Variants in LSAMP observed in about 807,000 individuals in gnomAD.
LSAMP encodes the protein limbic system-associated membrane protein.
In LSAMP, 7 loss-of-function variants were observed where a neutral mutation model predicts 38.6. That is an observed-to-expected ratio of 0.18 (90% confidence interval 0.10 to 0.34). The LOEUF is 0.34. LSAMP is among the 10% of genes least tolerant of loss of function. The pLI is 1.00. For missense variants in LSAMP, 313 were observed against 420.0 expected, an observed-to-expected ratio of 0.75 and a Z score of 2.23; for synonymous variants, 154 against 166.8, an observed-to-expected ratio of 0.92 and a Z score of 0.59.
At chr3:116,359,237 A>C (rs1398494610) in intron 1 of LSAMP, among the ~76,000 whole-genome samples, 1 of 152,256 alleles carries the variant, frequency 6.6e-6, no homozygotes, top group Non-Finnish European at 1.5e-5. Flanking sequence ...CCATCAATCA[A>C]TAAGGAAATA....
chr3:115,819,020 C>T (rs968247417), intron 6 of LSAMP, among the ~76,000 whole-genome samples: 4 of 150,668 alleles, frequency 2.7e-5, no homozygotes, highest in Non-Finnish European at 5.9e-5. Flanking sequence ...CGTGGTGGCA[C>T]GTGCCTGTAA....
intron 3 of LSAMP, among the ~76,000 whole-genome samples, chr3:115,862,862 A>C (rs560805939): frequency 7.2e-5 from 11 of 152,308 alleles, no homozygotes; most frequent in Admixed American, 3.3e-4. Flanking sequence ...GATGGATCAC[A>C]GTGGGAGTGG....
At chr3:116,074,641 C>T (rs1357657458) in intron 2 of LSAMP, among the ~76,000 whole-genome samples, 1 of 152,112 alleles carries the variant, frequency 6.6e-6, no homozygotes, top group African/African-American at 2.4e-5. Flanking sequence ...TTCCTACTAA[C>T]TTGTCAACTC....
chr3:116,309,100 G>A (rs2047522944), intron 1 of LSAMP, among the ~76,000 whole-genome samples: 1 of 151,890 alleles, frequency 6.6e-6, no homozygotes, highest in Non-Finnish European at 1.5e-5. Flanking sequence ...CAATAAAATG[G>A]GAATGTGATT....
chr3:116,146,914 C>T (rs1471674374), intron 1 of LSAMP, among the ~76,000 whole-genome samples: 5 of 151,830 alleles, frequency 3.3e-5, no homozygotes, highest in African/African-American at 1.2e-4. Flanking sequence ...TCGAACACTA[C>T]TTATCAGAAA....
chr3:116,412,725 C>A (rs781735292), intron 1 of LSAMP, among the ~76,000 whole-genome samples: 2 of 151,948 alleles, frequency 1.3e-5, no homozygotes, highest in African/African-American at 2.4e-5. Context: ...TATTTAACAT[C>A]GTTATGGTTT....
intron 1 of LSAMP, among the ~76,000 whole-genome samples, chr3:116,320,530 T>C (rs1488045220): frequency 6.6e-6 from 1 of 152,144 alleles, no homozygotes; most frequent in Non-Finnish European, 1.5e-5. Flanking sequence ...AGTATTGGAT[T>C]CTCCTAGGGT....
chr3:116,348,283 G>A (rs1356396497), intron 1 of LSAMP, among the ~76,000 whole-genome samples: 1 of 152,016 alleles, frequency 6.6e-6, no homozygotes, highest in Non-Finnish European at 1.5e-5. Context: ...TTTGATCCAG[G>A]TCAGAATAAA....
At chr3:116,199,683 A>T (rs1285926059) in intron 1 of LSAMP, among the ~76,000 whole-genome samples, 2 of 152,196 alleles carry the variant, frequency 1.3e-5, no homozygotes, top group Non-Finnish European at 2.9e-5. Flanking sequence ...ACAGTATGAA[A>T]TGTTAGAGAG....
chr3:115,946,653 T>G (rs1938107610), intron 3 of LSAMP, among the ~76,000 whole-genome samples: 1 of 152,156 alleles, frequency 6.6e-6, no homozygotes, highest in Admixed American at 6.6e-5. Flanking sequence ...AAAATCTTTC[T>G]ACAAAGTAAA....
chr3:115,814,215 G>GAGCAA (rs1317430870), intron 6 of LSAMP: 1 of 152,102 alleles, frequency 6.6e-6, no homozygotes, highest in Non-Finnish European at 1.5e-5. Flanking sequence ...TTGACTCAAG[G>GAGCAA]AGCAAAATTC....
At chr3:116,274,954 CAAAAA>C (rs10662824) in intron 1 of LSAMP, among the ~76,000 whole-genome samples, 1 of 136,292 alleles carries the variant, frequency 7.3e-6, no homozygotes, top group East Asian at 2.1e-4. Flanking sequence ...TAAAAATAGC[CAAAAA>C]AAAAAAAAAA....
At chr3:115,849,495 A>G (rs1171201989) in intron 4 of LSAMP, among the ~76,000 whole-genome samples, 2 of 151,164 alleles carry the variant, frequency 1.3e-5, no homozygotes, top group Admixed American at 6.6e-5. Flanking sequence ...TTTTTCTTGT[A>G]GTGGTACTCA....
chr3:115,834,422 A>T, intron 6 of LSAMP: 3 of 641,358 alleles, frequency 4.7e-6, no homozygotes, highest in Non-Finnish European at 7.4e-6. Context: ...TGGCTTTTTA[A>T]AAAAGGTTTA....
chr3:116,444,740 AC>A, intron 1 of LSAMP, 136 bp downstream of exon 1: 1 of 1,125,560 alleles, frequency 8.9e-7, no homozygotes, highest in Non-Finnish European at 1.3e-6. Context: ...CCACACACAC[AC>A]ACACCACAAG....
intron 1 of LSAMP, among the ~76,000 whole-genome samples, chr3:116,423,629 A>G (rs2049158287): frequency 6.6e-6 from 1 of 152,176 alleles, no homozygotes; most frequent in Non-Finnish European, 1.5e-5. Context: ...AAATAAATAC[A>G]CTGGGAATAC....
At chr3:116,444,812 AC>A in intron 1 of LSAMP, 64 bp downstream of exon 1, 2 of 443,506 alleles carry the variant, frequency 4.5e-6, no homozygotes, top group Admixed American at 5.4e-5. Context: ...ACACACACAA[AC>A]ACACACACAC....
chr3:116,317,346 C>CTCTT (rs752820425), intron 1 of LSAMP, among the ~76,000 whole-genome samples: 17 of 151,406 alleles, frequency 1.1e-4, no homozygotes, highest in Middle Eastern at 6.8e-3. Flanking sequence ...AGAGCCCAAT[C>CTCTT]TCTTTCTTTC....
intron 3 of LSAMP, among the ~76,000 whole-genome samples, chr3:116,007,797 G>GT (rs1344490880): frequency 6.6e-6 from 1 of 152,086 alleles, no homozygotes. Flanking sequence ...AAAAAGAAGT[G>GT]TTTTCTCTAG....
Sources: allele counts gnomAD v4.1 joint callset (sites outside exome capture counted in the v4.1 genomes callset), GRCh38; gene constraint gnomAD v4.1.1; transcripts MANE v1.5; gene names NCBI Gene and HGNC (gene_info 2026-07-23, HGNC 2026-07-21).